TMCC1: variants seen among roughly 807,000 people sequenced by gnomAD.
TMCC1 encodes the protein transmembrane and coiled-coil domains protein 1.
Under a neutral mutation model 52.4 loss-of-function variants are expected in TMCC1, and 15 were observed. The ratio of observed to expected loss-of-function variants is 0.29; its 90% CI spans 0.19 to 0.44. The LOEUF is 0.44. Ranked by LOEUF, TMCC1 falls within the 20% of genes least tolerant of loss-of-function variation. The pLI is 1.00. For synonymous variants in TMCC1, 279 were observed against 301.9 expected, an observed-to-expected ratio of 0.92 and a Z score of 0.79; for missense variants, 503 against 806.0, an observed-to-expected ratio of 0.62 and a Z score of 4.55.
At chr3:129,697,038 C>T (rs1412960947) in intron 4 of TMCC1, among the ~76,000 whole-genome samples, 1 of 152,186 alleles carries the variant, frequency 6.6e-6, no homozygotes, top group Non-Finnish European at 1.5e-5. Flanking sequence ...ATCCTGGGGT[C>T]TGGAGAATGG....
In TMCC1 at chr3:129,851,912, G is replaced by A. The variant is rs148972776; in HGVS notation, c.-183-19086C>T. ...CGCCCATAATCCCAGCACTTTGGGA[G>A]GCTGAGGCAGGAGGATTGCTTAAGC... is the stretch of plus-strand genomic sequence containing the variant. On this transcript the variant is annotated intron_variant, in intron 2 of 6. Coordinates refer to ENST00000393238, the MANE Select transcript of TMCC1 (RefSeq NM_001017395.5). Among the ~76,000 whole-genome samples the A allele has an allele frequency of 2.3e-3, 355 of 152,334 alleles. 6 individuals carry two copies. Among genetic ancestry groups the A allele is most frequent in the Non-Finnish European group, 5.3e-4 (36 of 68,022 alleles).
At chr3:129,721,855 G>A (rs958079234) in intron 4 of TMCC1, among the ~76,000 whole-genome samples, 1 of 145,814 alleles carries the variant, frequency 6.9e-6, no homozygotes, top group Non-Finnish European at 1.5e-5. Flanking sequence ...CAGCCTGGGC[G>A]ACAGAGCGAG....
chr3:129,708,513 G>T (rs747268973), intron 4 of TMCC1, among the ~76,000 whole-genome samples: 6 of 152,162 alleles, frequency 3.9e-5, no homozygotes, highest in African/African-American at 7.2e-5. Context: ...TCACATAAAT[G>T]TGGTACAGCT....
chr3:129,665,859 G>A (rs1334902432), intron 5 of TMCC1, among the ~76,000 whole-genome samples: 2 of 152,078 alleles, frequency 1.3e-5, no homozygotes, highest in African/African-American at 2.4e-5. Flanking sequence ...TTACCTGTAG[G>A]GCCTACTGTG....
At chr3:129,738,979 G>A (rs1040232195) in intron 4 of TMCC1, among the ~76,000 whole-genome samples, 2 of 151,962 alleles carry the variant, frequency 1.3e-5, no homozygotes, top group African/African-American at 4.8e-5. Flanking sequence ...ACCACGCCCA[G>A]CTAATTTTTG....
intron 4 of TMCC1, among the ~76,000 whole-genome samples, chr3:129,815,456 G>A (rs2058050694): frequency 6.6e-6 from 1 of 152,090 alleles, no homozygotes; most frequent in African/African-American, 2.4e-5. Context: ...CACATTTATA[G>A]CCAACCCATT....
chr3:129,891,062 A>G (rs1157061801), intron 1 of TMCC1, among the ~76,000 whole-genome samples: 1 of 152,246 alleles, frequency 6.6e-6, no homozygotes, highest in East Asian at 1.9e-4. Flanking sequence ...AAACAAGAGC[A>G]GCTCATCTGC....
chr3:129,892,639 C>T (rs2062022057), intron 1 of TMCC1: 1 of 152,180 alleles, frequency 6.6e-6, no homozygotes, highest in East Asian at 1.9e-4. Flanking sequence ...TAACGTGTAA[C>T]GTGTCACAAA....
intron 4 of TMCC1, among the ~76,000 whole-genome samples, chr3:129,752,554 T>C (rs925891392): frequency 6.6e-6 from 1 of 151,952 alleles, no homozygotes; most frequent in Admixed American, 6.6e-5. Context: ...TAATCCCAGC[T>C]ACTAGGGAGG....
chr3:129,867,860 T>A (rs1288359602), intron 2 of TMCC1, among the ~76,000 whole-genome samples: 1 of 152,192 alleles, frequency 6.6e-6, no homozygotes, highest in African/African-American at 2.4e-5. Flanking sequence ...AGATGAAGAC[T>A]CTAGGTCACA....
At chr3:129,883,808 CATGGTGAAACAAG>C (rs1326922712) in intron 1 of TMCC1, among the ~76,000 whole-genome samples, 1 of 151,914 alleles carries the variant, frequency 6.6e-6, no homozygotes, top group African/African-American at 2.4e-5. Flanking sequence ...GTTTCACCAA[CATGGTGAAACAAG>C]ATGGTGAAAC....
chr3:129,746,261 C>G (rs557691258), intron 4 of TMCC1, among the ~76,000 whole-genome samples: 2 of 152,100 alleles, frequency 1.3e-5, no homozygotes, highest in African/African-American at 4.8e-5. Context: ...ACCTCCACCC[C>G]CCAGCTTCAA....
intron 4 of TMCC1, among the ~76,000 whole-genome samples, chr3:129,756,102 AAAAAAAAAAAAAAG>A: frequency 7.0e-6 from 1 of 143,288 alleles, no homozygotes; most frequent in East Asian, 2.5e-4. Flanking sequence ...CATCTCAAGA[AAAAAAAAAAAAAAG>A]AAAAAAAAAG....
intron 4 of TMCC1, among the ~76,000 whole-genome samples, chr3:129,729,216 T>A (rs2050352592): frequency 1.3e-5 from 2 of 152,334 alleles, no homozygotes; most frequent in Non-Finnish European, 2.9e-5. Context: ...GTTCTCTGCA[T>A]CCTTGTCAGC....
At chr3:129,860,257 AGAGAT>A (rs773803964) in intron 2 of TMCC1, among the ~76,000 whole-genome samples, 8 of 151,926 alleles carry the variant, frequency 5.3e-5, no homozygotes, top group Non-Finnish European at 8.8e-5. Context: ...TTTTTTTAAT[AGAGAT>A]GAGGTCTCTA....
chr3:129,671,079 G>A lies in TMCC1; in HGVS notation c.762C>T (p.Ala254=). The A allele has an allele frequency of 6.2e-7, 1 of 1,614,138 alleles. No individual in the cohort carries two copies. Among genetic ancestry groups the A allele is most frequent in the Non-Finnish European group, 8.5e-7 (1 of 1,180,032 alleles). Residue 254 remains alanine, a synonymous_variant, in exon 5 of 7, where the codon GCC becomes GCT. Transcript: ENST00000393238. ...LTEQIKIAQT[A]RDDNVAEYLK... ...AGTATTCAGCAACGTTGTCGTCCCG[G>A]GCTGTTTGTGCAATCTTGATTTGTT...
intron 4 of TMCC1, among the ~76,000 whole-genome samples, chr3:129,690,640 A>G (rs2046962714): frequency 6.6e-6 from 1 of 152,120 alleles, no homozygotes; most frequent in South Asian, 2.1e-4. Context: ...GCTAATGTGA[A>G]GCTCTTTTAT....
At chr3:129,724,733 C>A (rs73866116) in intron 4 of TMCC1, among the ~76,000 whole-genome samples, 2,388 of 152,270 alleles carry the variant, frequency 0.016, 48 homozygotes, top group African/African-American at 0.055. Context: ...CAGGGCAATG[C>A]AGACATTCCT....
chr3:129,710,140 C>A lies in TMCC1; in HGVS notation c.577-38876G>T, dbSNP rs542858829. On this transcript the variant is annotated intron_variant, in intron 4 of 6. Coordinates refer to ENST00000393238, the MANE Select transcript of TMCC1 (RefSeq NM_001017395.5). ...GGTGGAGGTTGTGGTGGGCTGAGAT[C>A]GCGCCACTGCTTTCCAGCCTGGGCG... 3.9e-4 allele frequency among the ~76,000 whole-genome samples: 60 copies of A among 152,086 alleles called. 1 individual carries two copies. The South Asian group carries it at 0.011, about 29-fold the overall frequency.
Sources: allele counts gnomAD v4.1 joint callset (sites outside exome capture counted in the v4.1 genomes callset), GRCh38; gene constraint gnomAD v4.1.1; transcripts MANE v1.5; gene names NCBI Gene and HGNC (gene_info 2026-07-23, HGNC 2026-07-21).